The following CACNA1A variants were observed in gnomAD, a reference collection of about 807,000 sequenced individuals.
CACNA1A encodes the protein calcium voltage-gated channel subunit alpha1 A.
A neutral mutation model predicts 262.4 loss-of-function variants in CACNA1A; 57 were observed. The ratio of observed to expected loss-of-function variants is 0.22; its 90% confidence interval spans 0.18 to 0.27. The LOEUF (loss-of-function observed/expected upper bound fraction) is 0.27, where lower values mean the gene tolerates loss of function less well. Among genes scored for constraint, CACNA1A ranks in the 10% least tolerant of loss-of-function variants. CACNA1A has a pLI of 1.00. For missense variants in CACNA1A, 2,526 were observed against 3,562.8 expected, an observed-to-expected ratio of 0.71 and a Z score of 7.41; for synonymous variants, 1,431 against 1,419.3, an observed-to-expected ratio of 1.01 and a Z score of -0.18.
chr19:13,453,747 T>C (rs987626138), intron 2 of CACNA1A, among the ~76,000 whole-genome samples: 3 of 152,224 alleles, frequency 2.0e-5, no homozygotes, highest in Admixed American at 6.5e-5. Flanking sequence ...CCAATGTGAA[T>C]GTTTTCCCAT....
At chr19:13,240,249 G>A (rs942408230) in intron 31 of CACNA1A, among the ~76,000 whole-genome samples, 11 of 152,158 alleles carry the variant, frequency 7.2e-5, no homozygotes, top group Non-Finnish European at 1.2e-4. Context: ...TACATGCAGT[G>A]ACTGTGTGTT....
intron 5 of CACNA1A, among the ~76,000 whole-genome samples, chr19:13,360,263 GTGTATATATATA>G (rs2059080511): frequency 1.5e-5 from 1 of 66,272 alleles, no homozygotes; most frequent in African/African-American, 9.4e-5. Flanking sequence ...GTGTGTGTGT[GTGTATATATATA>G]TATATATATA....
chr19:13,301,773 G>A (rs1339327189), intron 17 of CACNA1A, among the ~76,000 whole-genome samples: 1 of 152,182 alleles, frequency 6.6e-6, no homozygotes, highest in African/African-American at 2.4e-5. Context: ...GCTGTGCTCC[G>A]AATCACTGGA....
At position 13,298,618 on chromosome 19, in the gene CACNA1A, G is replaced by A. The variant is rs1226532363; in HGVS notation, c.3015C>T (p.His1005=). The change falls in exon 19 of 47, where the codon CAC becomes CAT. Residue 1005 remains histidine, a synonymous_variant. Coordinates refer to ENST00000360228, the MANE Select transcript of CACNA1A (RefSeq NM_001127222.2). Reference sequence around the variant, plus strand: ...CGTACGTGGCTGGAGCGCCATGCCGGTGCCTTCTCCTGCGCTCGCCCCCGT... The same window carrying A: ...CGTACGTGGCTGGAGCGCCATGCCGATGCCTTCTCCTGCGCTCGCCCCCGT... ...GPDGGERRRR[H]RHGAPATYEG... is the part of the protein sequence containing the mutation. 3.9e-6 allele frequency: 6 copies of A among 1,535,158 alleles called. No individual in the cohort carries two copies. The highest frequency in any genetic ancestry group is 1.4e-5 in the African/African-American group (1 of 70,420).
intron 12 of CACNA1A, among the ~76,000 whole-genome samples, chr19:13,309,959 C>T (rs1003981789): frequency 6.6e-6 from 1 of 152,138 alleles, no homozygotes; most frequent in African/African-American, 2.4e-5. Flanking sequence ...GCCCTGTCCC[C>T]ATGAGCAGTT....
chr19:13,464,635 G>A (rs987109645), intron 1 of CACNA1A, among the ~76,000 whole-genome samples: 8 of 144,496 alleles, frequency 5.5e-5, no homozygotes, highest in African/African-American at 7.8e-5. Context: ...TGCAAGCTCC[G>A]CCTCCCAGGT....
At chr19:13,264,129 G>C (rs2056807716) in intron 24 of CACNA1A, among the ~76,000 whole-genome samples, 1 of 152,170 alleles carries the variant, frequency 6.6e-6, no homozygotes, top group African/African-American at 2.4e-5. Flanking sequence ...GCAGACCCCA[G>C]AGATGCCATG....
intron 6 of CACNA1A, among the ~76,000 whole-genome samples, chr19:13,357,408 C>G (rs1037695326): frequency 2.6e-5 from 4 of 152,304 alleles, no homozygotes; most frequent in Non-Finnish European, 4.4e-5. Context: ...GTATTGCTCC[C>G]GGGTCAGGCC....
In CACNA1A at chr19:13,485,067, AG is replaced by A. The variant is rs776821850; in HGVS notation, c.293+20864del. 1.1e-4 allele frequency among the ~76,000 whole-genome samples: 17 copies of A among 152,354 alleles called. No homozygotes were observed. In the South Asian group the frequency reaches 3.5e-3, roughly 32 times the overall value. On this transcript the variant is annotated intron_variant, in intron 1 of 46. Coordinates refer to ENST00000360228, the MANE Select transcript of CACNA1A (RefSeq NM_001127222.2). ...ACTCAATAAATATTTGTGGCTTCAA[AG>A]GTTGAGTATAAAAACAGACCAGATG...
At chr19:13,349,828 CTG>C (rs2058873847) in intron 6 of CACNA1A, among the ~76,000 whole-genome samples, 2 of 152,150 alleles carry the variant, frequency 1.3e-5, no homozygotes, top group Admixed American at 1.3e-4. Context: ...GAATCCCAGG[CTG>C]ATGCCTAGGG....
At chr19:13,373,164 A>C (rs186126856) in intron 3 of CACNA1A, among the ~76,000 whole-genome samples, 120 of 152,286 alleles carry the variant, frequency 7.9e-4, no homozygotes, top group African/African-American at 2.7e-3. Flanking sequence ...TTTTCAGTTT[A>C]TTTTTATTTT....
Position 13,354,488 on chromosome 19 carries a change from GTCC to G in CACNA1A, c.978+5115_978+5117del, listed in dbSNP as rs983326513. ...AAGAGTGCTCCAACGTAGCAGCTGTGTCCTCCTCAGCAGAAACTCAAAGATGGG... is the reference window on the plus strand; with the variant it reads ...AAGAGTGCTCCAACGTAGCAGCTGTGTCCTCAGCAGAAACTCAAAGATGGG... On this transcript the variant is annotated intron_variant, in intron 6 of 46. Coordinates refer to ENST00000360228, the MANE Select transcript of CACNA1A (RefSeq NM_001127222.2). Among the ~76,000 whole-genome samples, 27 of 152,326 alleles carry G rather than the reference GTCC, an allele frequency of 1.8e-4. 1 individual carries two copies. The highest frequency in any genetic ancestry group is 3.4e-3 in the Middle Eastern group (1 of 294).
At chr19:13,355,532 CA>C (rs1178984426) in intron 6 of CACNA1A, among the ~76,000 whole-genome samples, 1 of 152,154 alleles carries the variant, frequency 6.6e-6, no homozygotes, top group African/African-American at 2.4e-5. Flanking sequence ...TGCGGGCAAC[CA>C]GAGCCTGATC....
chr19:13,396,927 G>C (rs1043511048), intron 3 of CACNA1A, among the ~76,000 whole-genome samples: 4 of 152,142 alleles, frequency 2.6e-5, no homozygotes, highest in Admixed American at 6.6e-5. Context: ...TCTGACAGTA[G>C]TCCCTTCTGC....
At chr19:13,276,014 T>C in intron 23 of CACNA1A, 58 bp from the exon 24 acceptor site, 1 of 1,112,668 alleles carries the variant, frequency 9.0e-7, no homozygotes, top group Non-Finnish European at 1.4e-6. Context: ...CCTGGGGTGC[T>C]GCCACCCACT....
At chr19:13,263,846 T>C (rs772278807) in intron 24 of CACNA1A, among the ~76,000 whole-genome samples, 1 of 152,116 alleles carries the variant, frequency 6.6e-6, no homozygotes, top group African/African-American at 2.4e-5. Context: ...TTAAAGGTGG[T>C]ATCAGTGGGC....
chr19:13,286,682 G>A lies in CACNA1A; in HGVS notation c.3374C>T (p.Pro1125Leu), dbSNP rs748707899. The A allele has an allele frequency of 1.3e-6, 2 of 1,569,030 alleles. No individual in the cohort carries two copies. Among genetic ancestry groups the A allele is most frequent in the South Asian group, 2.4e-5 (2 of 83,730 alleles). ...NPQNAASRRT[P>L]NNPGNPSNPG... is the part of the protein sequence containing the mutation. ...ATTGGATGGGTTCCCCGGGTTGTTGGGCGTCCGGCGGCTGGCGGCGTTCTG... is the reference window on the plus strand; with the variant it reads ...ATTGGATGGGTTCCCCGGGTTGTTGAGCGTCCGGCGGCTGGCGGCGTTCTG... The change falls in exon 20 of 47, where the codon CCC becomes CTC. Residue 1125 changes from proline to leucine, a missense_variant. Pro to Leu is a moderately conservative substitution (Grantham distance 98). Coordinates refer to ENST00000360228, the MANE Select transcript of CACNA1A (RefSeq NM_001127222.2).
intron 20 of CACNA1A, among the ~76,000 whole-genome samples, chr19:13,285,615 A>T (rs2057380919): frequency 6.6e-6 from 1 of 152,070 alleles, no homozygotes; most frequent in Non-Finnish European, 1.5e-5. Flanking sequence ...GCAGGCAGGT[A>T]GGGAGAGTGC....
chr19:13,376,899 GATATATAATTTATATTACATATATGTTAT>G lies in CACNA1A; in HGVS notation c.540-5149_540-5121del, dbSNP rs1568586589. 4.9e-5 allele frequency among the ~76,000 whole-genome samples: 7 copies of G among 143,606 alleles called. No homozygotes were observed. The South Asian group carries it at 8.7e-4, about 18-fold the overall frequency. The allele number at this position is 143,606 out of a possible 152,430, so 94.2% of individuals were successfully genotyped here. On this transcript the variant is annotated intron_variant, in intron 3 of 46. Transcript: ENST00000360228. ...ATAACACATGATATATGTTATATGT[GATATATAATTTATATTACATATATGTTAT>G]ATATATAATTTATATTACATATAAC...
Sources: allele counts gnomAD v4.1 joint callset (sites outside exome capture counted in the v4.1 genomes callset), GRCh38; gene constraint gnomAD v4.1.1; transcripts MANE v1.5; gene names NCBI Gene and HGNC (gene_info 2026-07-23, HGNC 2026-07-21).